Variants in EBAG9 observed in about 807,000 individuals in gnomAD.
EBAG9 encodes receptor-binding cancer antigen expressed on SiSo cells.
In EBAG9, 16 loss-of-function variants were observed where a neutral mutation model predicts 30.9. The observed-to-expected ratio is 0.52, with a 90% CI of 0.35 to 0.79. The LOEUF (loss-of-function observed/expected upper bound fraction) is 0.79, where lower values mean the gene tolerates loss of function less well. EBAG9 is among the 30% of genes least tolerant of loss of function. EBAG9 has a pLI of 0.01. For synonymous variants in EBAG9, 93 were observed against 82.8 expected, an observed-to-expected ratio of 1.12 and a Z score of -0.67; for missense variants, 197 against 242.1, an observed-to-expected ratio of 0.81 and a Z score of 1.24.
At chr8:109,551,835 T>C (rs922641838) in intron 2 of EBAG9, among the ~76,000 whole-genome samples, 2 of 152,164 alleles carry the variant, frequency 1.3e-5, no homozygotes, top group Non-Finnish European at 2.9e-5. Context: ...CACACAAATT[T>C]CATTAATAAG....
chr8:109,560,971 T>C (rs375996099), intron 6 of EBAG9, 42 bp downstream of exon 6: 1 of 1,537,568 alleles, frequency 6.5e-7, no homozygotes, highest in Non-Finnish European at 9.0e-7. Context: ...GTAGAAGAAC[T>C]AGATTTCTTC....
Position 109,557,020 on chromosome 8 carries a change from A to G in EBAG9, c.407A>G (p.Asp136Gly). ...TCTAGTAGATTAGCAGCTACACAAG[A>G]TCTGCCTTTTATTCATCAGTCTGTA... ...GFSSRLAATQ[D>G]LPFIHQSSEL... Residue 136 changes from aspartate (D) to glycine (G), a missense_variant, in exon 5 of 7, where the codon GAT becomes GGT. By Grantham distance (94) the Asp-to-Gly change is moderately conservative (BLOSUM62 -1). Coordinates refer to ENST00000337573, the MANE Select transcript of EBAG9 (RefSeq NM_004215.5). 2.5e-6 allele frequency: 4 copies of G among 1,606,620 alleles called. No individual in the cohort carries two copies. Among genetic ancestry groups the G allele is most frequent in the Non-Finnish European group, 3.4e-6 (4 of 1,175,708 alleles).
At chr8:109,541,626 A>G (rs1400835674) in intron 1 of EBAG9, among the ~76,000 whole-genome samples, 1 of 152,162 alleles carries the variant, frequency 6.6e-6, no homozygotes, top group African/African-American at 2.4e-5. Flanking sequence ...AAATACCAGA[A>G]TGAGCAAGAC....
chr8:109,562,698 A>G (rs1821734491), intron 6 of EBAG9, among the ~76,000 whole-genome samples: 1 of 151,690 alleles, frequency 6.6e-6, no homozygotes, highest in Admixed American at 6.6e-5. Flanking sequence ...AGTTTTTGAT[A>G]CAGATTGGGT....
In EBAG9 at chr8:109,555,006, T is replaced by G. The variant is rs576808195; in HGVS notation, c.321+119T>G. Reference sequence around the variant, plus strand: ...ATTTCTTTTTTTTTTTTTAATACTTTAAGTTTTAGGGTACATGTGCACAAC... The same window carrying G: ...ATTTCTTTTTTTTTTTTTAATACTTGAAGTTTTAGGGTACATGTGCACAAC... On this transcript the variant is annotated intron_variant, in intron 4 of 6. Transcript: ENST00000337573. 1.4e-4 allele frequency: 148 copies of G among 1,060,118 alleles called. 1 individual carries two copies. In the African/African-American group the frequency reaches 1.9e-3, roughly 14 times the overall value. 65.7% of individuals were successfully genotyped at this position (1,060,118 alleles called of 1,614,324 possible).
chr8:109,548,172 T>C (rs1209005496), intron 1 of EBAG9, among the ~76,000 whole-genome samples: 4 of 152,146 alleles, frequency 2.6e-5, no homozygotes, highest in Non-Finnish European at 4.4e-5. Context: ...GTGCCAGATA[T>C]ATATAGAAGG....
chr8:109,547,916 A>G (rs1349147903), intron 1 of EBAG9, among the ~76,000 whole-genome samples: 1 of 152,220 alleles, frequency 6.6e-6, no homozygotes, highest in Non-Finnish European at 1.5e-5. Context: ...TATGCTTTGC[A>G]AGGATTTTTC....
chr8:109,552,552 T>C (rs957487078), intron 2 of EBAG9, among the ~76,000 whole-genome samples: 11 of 152,310 alleles, frequency 7.2e-5, no homozygotes, highest in Admixed American at 1.3e-4. Flanking sequence ...TTAACAGTGG[T>C]GATGAAATGT....
chr8:109,547,768 C>T (rs948834674), intron 1 of EBAG9, among the ~76,000 whole-genome samples: 2 of 152,146 alleles, frequency 1.3e-5, no homozygotes, highest in African/African-American at 4.8e-5. Context: ...GTGTGAGCCA[C>T]CACGCCTGGC....
chr8:109,543,512 C>T lies in EBAG9; in HGVS notation c.-16+3051C>T, dbSNP rs527449677. Among the ~76,000 whole-genome samples the T allele has an allele frequency of 2.2e-3, 339 of 152,030 alleles. 1 individual carries two copies. Among genetic ancestry groups the T allele is most frequent in the Non-Finnish European group, 3.9e-3 (262 of 67,958 alleles). On this transcript the variant is annotated intron_variant, in intron 1 of 6. Transcript: ENST00000337573. Reference sequence around the variant, plus strand: ...TTTTTATGTGTTTGTTTGGAACTTTCGTATTGAGGTATAGCATACAAACAG... The same window carrying T: ...TTTTTATGTGTTTGTTTGGAACTTTTGTATTGAGGTATAGCATACAAACAG...
chr8:109,544,941 A>G (rs561624987), intron 1 of EBAG9, among the ~76,000 whole-genome samples: 1 of 152,350 alleles, frequency 6.6e-6, no homozygotes, highest in South Asian at 2.1e-4. Context: ...TATATGCAGT[A>G]CATATATAGT....
intron 1 of EBAG9, among the ~76,000 whole-genome samples, chr8:109,547,360 A>G (rs562541776): frequency 3.3e-5 from 5 of 152,170 alleles, no homozygotes; most frequent in South Asian, 2.1e-4. Flanking sequence ...TATGGTCATT[A>G]TGTTTAGTTT....
rs889498369 is a variant in EBAG9 at position 109,563,366 on chromosome 8, T to G, written c.522-1073T>G. On this transcript the variant is annotated intron_variant, in intron 6 of 6. Transcript: ENST00000337573. ...GCTTCCTTCCTCAACGTTGCATACT[T>G]GAATGATTTTCTCACACCCTAACCC... 1.9e-6 allele frequency: 3 copies of G among 1,592,764 alleles called. No homozygotes were observed. In the African/African-American group the frequency reaches 4.0e-5, roughly 21 times the overall value.
intron 1 of EBAG9, among the ~76,000 whole-genome samples, chr8:109,548,881 TTTTTTC>T (rs1164834710): frequency 5.5e-5 from 8 of 146,296 alleles, no homozygotes; most frequent in Admixed American, 1.3e-4. Flanking sequence ...TATTTTTTTC[TTTTTTC>T]TTTTTTTTTT....
At chr8:109,551,572 G>C (rs1821495495) in intron 2 of EBAG9, among the ~76,000 whole-genome samples, 1 of 152,154 alleles carries the variant, frequency 6.6e-6, no homozygotes, top group Non-Finnish European at 1.5e-5. Flanking sequence ...GATAGCATCT[G>C]TTGAATACCT....
chr8:109,561,747 A>G (rs536388992), intron 6 of EBAG9, among the ~76,000 whole-genome samples: 1 of 152,202 alleles, frequency 6.6e-6, no homozygotes, highest in African/African-American at 2.4e-5. Context: ...ACTCAACAAA[A>G]AAACTGATTT....
At chr8:109,561,890 CTT>C (rs397942472) in intron 6 of EBAG9, among the ~76,000 whole-genome samples, 12 of 118,470 alleles carry the variant, frequency 1.0e-4, no homozygotes, top group Non-Finnish European at 1.8e-4. Flanking sequence ...ATATCAAGCC[CTT>C]TTTTTTTTTT....
At chr8:109,541,365 G>A (rs7839394) in intron 1 of EBAG9, among the ~76,000 whole-genome samples, 18,770 of 152,108 alleles carry the variant, frequency 0.12, 1,284 homozygotes, top group South Asian at 0.28. Context: ...TTCTTAAGTA[G>A]GATATGATGT....
intron 6 of EBAG9, among the ~76,000 whole-genome samples, chr8:109,561,821 A>C (rs2131133783): frequency 6.6e-6 from 1 of 150,394 alleles, no homozygotes; most frequent in African/African-American, 2.4e-5. Flanking sequence ...CAACCAGCAG[A>C]GGGTGCAGCT....
Sources: gnomAD v4.1 joint callset for allele counts (sites outside exome capture counted in the v4.1 genomes callset) on GRCh38, gnomAD v4.1.1 for gene constraint, MANE v1.5 for transcripts, NCBI Gene and HGNC (gene_info 2026-07-23, HGNC 2026-07-21) for gene names.